Variants in CCDC39 observed in about 807,000 individuals in gnomAD.
The protein encoded by CCDC39 is coiled-coil domain-containing protein 39.
A neutral mutation model predicts 121.0 loss-of-function variants in CCDC39; 113 were observed. That is an observed-to-expected ratio of 0.93 (90% CI 0.80 to 1.09). The LOEUF (loss-of-function observed/expected upper bound fraction) is 1.09. Ranked by LOEUF, CCDC39 falls within the 50% of genes least tolerant of loss-of-function variation. The probability of loss-of-function intolerance (pLI) is 0.00; values close to 1 mark genes in which losing one functional copy is unlikely to be tolerated. For missense variants in CCDC39, 1,063 were observed against 1,074.7 expected (o/e 0.99, Z 0.15); for synonymous variants, 349 against 352.2 (o/e 0.99, Z 0.10).
intron 13 of CCDC39, among the ~76,000 whole-genome samples, chr3:180,641,424 A>C (rs937923329): frequency 1.3e-5 from 2 of 152,138 alleles, no homozygotes; most frequent in African/African-American, 2.4e-5. Context: ...TGGGGAAAAA[A>C]GAAAAGTTAT....
Position 180,644,168 on chromosome 3 carries a change from G to A in CCDC39, c.1617C>T (p.Phe539=). ...CAAGTTCTTTCTCTGATCTGTCGAT[G>A]AAAAGGTTTAGTTCATTTATTTTGG... The part of the protein sequence containing the change: ...LMTKINELNL[F]IDRSEKELDK... Residue 539 remains phenylalanine (F), a synonymous_variant, in exon 12 of 20, where the codon TTC becomes TTT. Transcript: ENST00000476379. 1 of 1,544,892 alleles carries A rather than the reference G, an allele frequency of 6.5e-7. No homozygotes were observed. Among genetic ancestry groups the A allele is most frequent in the Non-Finnish European group, 8.7e-7 (1 of 1,144,104 alleles).
rs551513036 is a variant in CCDC39 at position 180,615,090 on chromosome 3, C to A, written c.2670-13G>T. On this transcript the variant is annotated splice_polypyrimidine_tract_variant and intron_variant, in intron 19 of 19. Transcript: ENST00000476379. ...ACTCCTAGATGACCTAGAAGAAAAA[C>A]CAGAATTATAAATTCAATGCAAAGT... 4.6e-6 allele frequency: 7 copies of A among 1,509,580 alleles called. No individual in the cohort carries two copies. In the African/African-American group the frequency reaches 7.1e-5, roughly 15 times the overall value. 93.5% of individuals were successfully genotyped at this position (1,509,580 alleles called of 1,614,324 possible).
intron 14 of CCDC39, among the ~76,000 whole-genome samples, chr3:180,624,231 A>G (rs948545513): frequency 2.0e-5 from 3 of 152,164 alleles, no homozygotes; most frequent in Admixed American, 6.5e-5. Context: ...TAATATAAGT[A>G]AAGCTACTCC....
At position 180,679,419 on chromosome 3, in the gene CCDC39, G is replaced by A. The variant is rs770822560; in HGVS notation, c.-39C>T. 3 of 1,580,582 alleles carry A rather than the reference G, an allele frequency of 1.9e-6. No homozygotes were observed. In the South Asian group the frequency reaches 3.3e-5, roughly 17 times the overall value. On this transcript the variant is annotated 5_prime_UTR_variant, in exon 1 of 20. Transcript: ENST00000476379. The surrounding 1 kb of genome is among the most constrained non-coding windows in gnomAD (Gnocchi z 4.0). ...TAGAGAAGATACAGAGCAAAGATCCGCCTTCTTGTACAGCGGGTGAGCAGC... is the reference window on the plus strand; with the variant it reads ...TAGAGAAGATACAGAGCAAAGATCCACCTTCTTGTACAGCGGGTGAGCAGC...
At chr3:180,644,892 T>G (rs1012723145) in intron 11 of CCDC39, among the ~76,000 whole-genome samples, 1 of 152,150 alleles carries the variant, frequency 6.6e-6, no homozygotes, top group Non-Finnish European at 1.5e-5. Context: ...GACAGCCATT[T>G]ATGAGGAGAT....
intron 1 of CCDC39, among the ~76,000 whole-genome samples, chr3:180,670,928 T>C (rs1199357295): frequency 6.6e-6 from 1 of 152,026 alleles, no homozygotes; most frequent in Non-Finnish European, 1.5e-5. Flanking sequence ...ATCACCCCTT[T>C]GGGCTGGATG....
intron 1 of CCDC39, among the ~76,000 whole-genome samples, chr3:180,668,864 G>A (rs1711957754): frequency 6.6e-6 from 1 of 152,102 alleles, no homozygotes; most frequent in African/African-American, 2.4e-5. Flanking sequence ...GGAATTACAA[G>A]AGTTTTAGAT....
chr3:180,633,067 C>T (rs1319520351), intron 13 of CCDC39, among the ~76,000 whole-genome samples: 1 of 152,154 alleles, frequency 6.6e-6, no homozygotes, highest in Admixed American at 6.5e-5. Flanking sequence ...TAAACACCTC[C>T]TAACTTTTTG....
intron 3 of CCDC39, 102 bp downstream of exon 3, chr3:180,661,759 A>T: frequency 1.0e-6 from 1 of 994,840 alleles, no homozygotes; most frequent in Non-Finnish European, 1.5e-6. Context: ...CTAGGAAACT[A>T]ATGTATGCCT....
chr3:180,619,228 G>C (rs1433109404), intron 16 of CCDC39, 31 bp downstream of exon 16: 1 of 972,346 alleles, frequency 1.0e-6, no homozygotes, highest in Non-Finnish European at 1.6e-6. Flanking sequence ...TTTATTGAAG[G>C]CATATTACTA....
chr3:180,635,558 G>A (rs1477775781), intron 13 of CCDC39, among the ~76,000 whole-genome samples: 3 of 152,212 alleles, frequency 2.0e-5, no homozygotes, highest in Non-Finnish European at 4.4e-5. Context: ...CCAAAACAGA[G>A]GGGCCACAGG....
Position 180,647,078 on chromosome 3 carries a change from C to T in CCDC39, c.1527+1G>A, listed in dbSNP as rs1718082607. ...TATAAAATGTATTTTGGCTAAGTTACATGAAGCTTCTTGATCTGTGTTTCC... is the reference window on the plus strand; with the variant it reads ...TATAAAATGTATTTTGGCTAAGTTATATGAAGCTTCTTGATCTGTGTTTCC... On this transcript the variant is annotated splice_donor_variant, in intron 11 of 19. Coordinates refer to ENST00000476379, the MANE Select transcript of CCDC39 (RefSeq NM_181426.2). LOFTEE classifies it high-confidence loss of function. The T allele has an allele frequency of 6.2e-7, 1 of 1,603,362 alleles. No individual in the cohort carries two copies. The highest frequency in any genetic ancestry group is 8.5e-7 in the Non-Finnish European group (1 of 1,177,016).
At chr3:180,663,656 C>A (rs1272691133) in intron 2 of CCDC39, among the ~76,000 whole-genome samples, 1 of 147,036 alleles carries the variant, frequency 6.8e-6, no homozygotes. Flanking sequence ...GGAAACAGAG[C>A]GAGACTTCAT....
At chr3:180,654,221 C>CA (rs76424115) in intron 7 of CCDC39, among the ~76,000 whole-genome samples, 2,782 of 44,468 alleles carry the variant, frequency 0.063, 104 homozygotes, top group African/African-American at 0.17. Flanking sequence ...TAGCCACACG[C>CA]AAAAAAAAAA....
rs1711808303 is a variant in CCDC39 at position 180,663,945 on chromosome 3, C to T, written c.132G>A (p.Glu44=). Reference sequence around the variant, plus strand: ...TAATTCGCTCTTCATACTCACGTAACTCATCTTGCAAGCTTGCTCTTTCAT... The same window carrying T: ...TAATTCGCTCTTCATACTCACGTAATTCATCTTGCAAGCTTGCTCTTTCAT... ...LKDERASLQD[E]LREYEERINS... Residue 44 remains glutamate (E), a synonymous_variant, in exon 2 of 20, where the codon GAG becomes GAA. Coordinates refer to ENST00000476379, the MANE Select transcript of CCDC39 (RefSeq NM_181426.2). 6.2e-7 allele frequency: 1 copy of T among 1,612,176 alleles called. No individual in the cohort carries two copies. Among genetic ancestry groups the T allele is most frequent in the African/African-American group, 1.3e-5 (1 of 75,032 alleles).
intron 7 of CCDC39, among the ~76,000 whole-genome samples, chr3:180,653,165 G>C (rs1171175207): frequency 6.6e-6 from 1 of 152,156 alleles, no homozygotes; most frequent in Non-Finnish European, 1.5e-5. Flanking sequence ...AGGCCATGAA[G>C]AGAGAGTTCT....
intron 14 of CCDC39, among the ~76,000 whole-genome samples, chr3:180,626,034 G>A (rs1018133009): frequency 2.6e-5 from 4 of 152,078 alleles, no homozygotes; most frequent in African/African-American, 9.7e-5. Context: ...CCCCTGGGCA[G>A]CTGGTGTGAT....
intron 8 of CCDC39, 103 bp from the exon 9 acceptor site, chr3:180,651,636 G>A: frequency 1.8e-6 from 2 of 1,117,224 alleles, no homozygotes; most frequent in Non-Finnish European, 2.4e-6. Context: ...ACTTGAAGGG[G>A]TTTTTTGCGT....
intron 1 of CCDC39, among the ~76,000 whole-genome samples, chr3:180,677,332 C>A (rs1027880149): frequency 3.3e-5 from 5 of 149,318 alleles, no homozygotes; most frequent in African/African-American, 1.2e-4. Context: ...AAAGTGACTG[C>A]GGTAAGGACC....
Sources: allele counts gnomAD v4.1 joint callset (sites outside exome capture counted in the v4.1 genomes callset), GRCh38; gene constraint gnomAD v4.1.1; non-coding constraint Gnocchi (gnomAD v3.1); transcripts MANE v1.5; gene names NCBI Gene and HGNC (gene_info 2026-07-23, HGNC 2026-07-21).